STXBP5L: variants seen among roughly 807,000 people sequenced by gnomAD.
The protein encoded by STXBP5L is syntaxin-binding protein 5-like.
Under a neutral mutation model 144.5 loss-of-function variants are expected in STXBP5L, and 65 were observed. The observed-to-expected ratio is 0.45, with a 90% CI of 0.37 to 0.55. STXBP5L has a LOEUF of 0.55. Ranked by LOEUF, STXBP5L falls within the 20% of genes least tolerant of loss-of-function variation. The pLI is 0.00. For missense variants in STXBP5L, 1,298 were observed against 1,405.5 expected, an observed-to-expected ratio of 0.92 and a Z score of 1.22; for synonymous variants, 505 against 469.6, an observed-to-expected ratio of 1.08 and a Z score of -0.97.
intron 3 of STXBP5L, among the ~76,000 whole-genome samples, chr3:120,959,914 TTAAAC>T (rs1938555832): frequency 6.6e-6 from 1 of 152,108 alleles, no homozygotes. Context: ...TGGGATCTAA[TTAAAC>T]TAAAGAGCTT....
intron 9 of STXBP5L, among the ~76,000 whole-genome samples, chr3:121,195,090 AT>A (rs1010496848): frequency 2.7e-4 from 40 of 150,778 alleles, no homozygotes; most frequent in Admixed American, 1.1e-3. Flanking sequence ...TAATTTTTGT[AT>A]TTTTTTTAAT....
intron 9 of STXBP5L, among the ~76,000 whole-genome samples, chr3:121,195,104 A>G (rs557582430): frequency 1.0e-3 from 157 of 151,810 alleles, no homozygotes; most frequent in African/African-American, 3.6e-3. Flanking sequence ...TTTTTAATAC[A>G]AAATTTAGAC....
rs72968079 is a variant in STXBP5L, at chr3:121,331,273, G to A, written c.2176+12733G>A. On this transcript the variant is annotated intron_variant, in intron 20 of 26. Coordinates refer to ENST00000471454, the MANE Select transcript of STXBP5L (RefSeq NM_001308330.2). ...CTCTCCCCCAACAGTCAGGCAGCCC[G>A]GGTGCTCATGAAAGATCTTTGAGAT... is the stretch of plus-strand genomic sequence containing the variant. Among the ~76,000 whole-genome samples the A allele has an allele frequency of 2.7e-3, 410 of 152,254 alleles. 2 individuals are homozygous for A. Among genetic ancestry groups the A allele is most frequent in the African/African-American group, 8.8e-3 (364 of 41,546 alleles).
intron 3 of STXBP5L, among the ~76,000 whole-genome samples, chr3:121,028,968 A>T (rs1172887719): frequency 6.6e-6 from 1 of 152,180 alleles, no homozygotes; most frequent in Non-Finnish European, 1.5e-5. Flanking sequence ...AATACAACAT[A>T]CAAGGGATGT....
chr3:121,209,078 TC>T (rs931798362), intron 10 of STXBP5L, among the ~76,000 whole-genome samples: 31 of 152,208 alleles, frequency 2.0e-4, no homozygotes, highest in African/African-American at 6.5e-4. Context: ...TTCATCCATG[TC>T]CCTGCAAAGG....
chr3:121,257,784 G>GTTC (rs1559912386), intron 17 of STXBP5L, among the ~76,000 whole-genome samples: 1 of 152,078 alleles, frequency 6.6e-6, no homozygotes, highest in Non-Finnish European at 1.5e-5. Context: ...AATTAACTGG[G>GTTC]TGTGATGGTA....
intron 3 of STXBP5L, among the ~76,000 whole-genome samples, chr3:121,015,830 G>T (rs1576668158): frequency 6.6e-6 from 1 of 152,132 alleles, no homozygotes; most frequent in South Asian, 2.1e-4. Context: ...ATCAGATGGG[G>T]GCAAAAGGTG....
At chr3:121,227,892 GTAT>G (rs144994588) in intron 11 of STXBP5L, among the ~76,000 whole-genome samples, 5,398 of 152,150 alleles carry the variant, frequency 0.035, 147 homozygotes, top group Middle Eastern at 0.082. Flanking sequence ...AGCACTTCCT[GTAT>G]TATTTACCAA....
chr3:121,355,989 G>T (rs1245123652), intron 20 of STXBP5L, among the ~76,000 whole-genome samples: 6 of 152,210 alleles, frequency 3.9e-5, no homozygotes, highest in Non-Finnish European at 8.8e-5. Flanking sequence ...GCCCACTCGA[G>T]ACCCTGTTTG....
chr3:121,361,421 T>G (rs1310176612), intron 20 of STXBP5L, among the ~76,000 whole-genome samples: 1 of 152,158 alleles, frequency 6.6e-6, no homozygotes, highest in Non-Finnish European at 1.5e-5. Flanking sequence ...AGGACATTTC[T>G]TAGGTTTGCC....
At chr3:121,093,962 G>A (rs897406438) in intron 5 of STXBP5L, among the ~76,000 whole-genome samples, 2 of 151,964 alleles carry the variant, frequency 1.3e-5, no homozygotes, top group African/African-American at 2.4e-5. Context: ...GGAGATTCTG[G>A]TACGTTGTGT....
At chr3:121,131,381 C>T (rs2044982522) in intron 7 of STXBP5L, among the ~76,000 whole-genome samples, 1 of 152,162 alleles carries the variant, frequency 6.6e-6, no homozygotes. Flanking sequence ...TTACTACTCC[C>T]ACCCAAAAGT....
At chr3:120,918,560 A>G (rs1029960649) in intron 2 of STXBP5L, among the ~76,000 whole-genome samples, 13 of 152,226 alleles carry the variant, frequency 8.5e-5, no homozygotes, top group Non-Finnish European at 1.5e-4. Flanking sequence ...TTCCACCTGT[A>G]AAAACCTTAC....
At chr3:121,314,429 CAA>C (rs1158483523) in intron 19 of STXBP5L, among the ~76,000 whole-genome samples, 6 of 129,312 alleles carry the variant, frequency 4.6e-5, no homozygotes, top group African/African-American at 1.5e-4. Flanking sequence ...CCGTCTCCAC[CAA>C]AAAAAAAACG....
intron 20 of STXBP5L, among the ~76,000 whole-genome samples, chr3:121,340,322 G>A (rs1258097182): frequency 6.6e-6 from 1 of 151,958 alleles, no homozygotes; most frequent in Non-Finnish European, 1.5e-5. Context: ...AGGTAGTAAT[G>A]TCTTTTTTTT....
intron 3 of STXBP5L, among the ~76,000 whole-genome samples, chr3:121,036,510 C>A (rs1378680370): frequency 6.6e-6 from 1 of 152,004 alleles, no homozygotes; most frequent in African/African-American, 2.4e-5. Flanking sequence ...CTTCTAGTAT[C>A]TAGCATGATA....
Position 121,407,487 on chromosome 3 carries a change from C to A in STXBP5L, c.2832C>A (p.Cys944Ter). Residue 944 changes from cysteine to a stop codon, truncating the protein, a stop_gained, in exon 23 of 27, where the codon TGC (cysteine) becomes TGA (stop). Transcript: ENST00000471454. LOFTEE classifies it high-confidence loss of function. ...TCTTCTCACTGCCTTCTCAGACTTG[C>A]CTTTATGTTCATAACATCACGGAGA... ...AKVFSLPSQT[C>*]LYVHNITETS... The A allele has an allele frequency of 6.2e-7, 1 of 1,613,336 alleles. No homozygotes were observed. Among genetic ancestry groups the A allele is most frequent in the South Asian group, 1.1e-5 (1 of 91,064 alleles).
At chr3:121,059,232 C>T (rs772487381) in intron 5 of STXBP5L, among the ~76,000 whole-genome samples, 5 of 152,130 alleles carry the variant, frequency 3.3e-5, no homozygotes, top group Non-Finnish European at 5.9e-5. Context: ...AATAGAGAAT[C>T]CTTTCCTTAT....
intron 9 of STXBP5L, among the ~76,000 whole-genome samples, chr3:121,183,664 G>A (rs534179897): frequency 6.6e-6 from 1 of 151,608 alleles, no homozygotes; most frequent in South Asian, 2.1e-4. Context: ...AAAGAAAGAA[G>A]GAAGGGAGGG....
Sources: gnomAD v4.1 joint callset for allele counts (sites outside exome capture counted in the v4.1 genomes callset) on GRCh38, gnomAD v4.1.1 for gene constraint, MANE v1.5 for transcripts, NCBI Gene and HGNC (gene_info 2026-07-23, HGNC 2026-07-21) for gene names.